Variants in BLOC1S5 observed in about 807,000 individuals in gnomAD.
BLOC1S5 encodes the protein biogenesis of lysosomal organelles complex 1 subunit 5.
Under a neutral mutation model 24.3 loss-of-function variants are expected in BLOC1S5, and 27 were observed. That is an observed-to-expected ratio of 1.11 (90% CI 0.82 to 1.53). BLOC1S5 has a LOEUF of 1.53. Ranked by LOEUF, BLOC1S5 falls within the 40% of genes most tolerant of loss-of-function variation. BLOC1S5 has a pLI of 0.00. For missense variants in BLOC1S5, 239 were observed against 229.4 expected, an observed-to-expected ratio of 1.04 and a Z score of -0.27; for synonymous variants, 84 against 74.5, an observed-to-expected ratio of 1.13 and a Z score of -0.66.
intron 3 of BLOC1S5, chr6:8,027,211 T>A (rs1173239855): frequency 6.0e-6 from 2 of 331,162 alleles, no homozygotes; most frequent in African/African-American, 4.3e-5. Context: ...ACTTACTTTA[T>A]CCAAATAAAG....
chr6:8,038,038 CTG>C lies in BLOC1S5; in HGVS notation c.325+3099_325+3100del, dbSNP rs199779695. ...AAAGACTTAAATCTAAGACCTGAAA[CTG>C]TGAAATTACTAGAAGAAAGCCTAGG... On this transcript the variant is annotated intron_variant, in intron 3 of 4. Coordinates refer to ENST00000397457, the MANE Select transcript of BLOC1S5 (RefSeq NM_201280.3). Among the ~76,000 whole-genome samples the C allele has an allele frequency of 9.4e-3, 1,429 of 152,288 alleles. 21 individuals are homozygous for C. The highest frequency in any genetic ancestry group is 0.033 in the African/African-American group (1,362 of 41,552).
At chr6:8,039,914 T>C (rs931668177) in intron 3 of BLOC1S5, among the ~76,000 whole-genome samples, 2 of 152,208 alleles carry the variant, frequency 1.3e-5, no homozygotes, top group African/African-American at 2.4e-5. Flanking sequence ...TGATTCTGTA[T>C]AAGCTCACCA....
intron 2 of BLOC1S5, among the ~76,000 whole-genome samples, chr6:8,047,156 T>TCACA (rs1763929930): frequency 1.7e-5 from 1 of 59,538 alleles, no homozygotes; most frequent in Admixed American, 2.3e-4. Flanking sequence ...TCTCTCTCTC[T>TCACA]CTCTCACACA....
At chr6:8,047,196 A>ACC (rs1763936059) in intron 2 of BLOC1S5, among the ~76,000 whole-genome samples, 1 of 104,042 alleles carries the variant, frequency 9.6e-6, no homozygotes, top group Non-Finnish European at 2.1e-5. Context: ...ACACACACAC[A>ACC]CACAGTCAAC....
intron 2 of BLOC1S5, chr6:8,041,742 G>C (rs1433789884): frequency 6.7e-6 from 1 of 149,938 alleles, no homozygotes; most frequent in Non-Finnish European, 1.5e-5. Flanking sequence ...CGCCCGCTGG[G>C]TTCCCGTCAT....
At chr6:8,043,751 T>C (rs184919706) in intron 2 of BLOC1S5, among the ~76,000 whole-genome samples, 1 of 152,304 alleles carries the variant, frequency 6.6e-6, no homozygotes, top group African/African-American at 2.4e-5. Context: ...AATAAAATAA[T>C]GAAAGAAATT....
chr6:8,038,146 G>A (rs1763550072), intron 3 of BLOC1S5, among the ~76,000 whole-genome samples: 1 of 152,140 alleles, frequency 6.6e-6, no homozygotes, highest in Non-Finnish European at 1.5e-5. Flanking sequence ...AGCAAAAACA[G>A]ACAAATGGGG....
intron 2 of BLOC1S5, among the ~76,000 whole-genome samples, chr6:8,051,584 C>T (rs940724455): frequency 6.6e-6 from 1 of 152,208 alleles, no homozygotes; most frequent in Non-Finnish European, 1.5e-5. Flanking sequence ...TAGCAGAAAA[C>T]GCCATCTAGG....
chr6:8,024,316 A>G (rs927986043), intron 4 of BLOC1S5, among the ~76,000 whole-genome samples: 1 of 151,970 alleles, frequency 6.6e-6, no homozygotes, highest in African/African-American at 2.4e-5. Context: ...ATCCGAGGTC[A>G]GGAGTTCGAG....
intron 2 of BLOC1S5, among the ~76,000 whole-genome samples, chr6:8,053,950 T>TGATCCAAAATCTGAAAC (rs1487751963): frequency 3.9e-5 from 6 of 152,212 alleles, no homozygotes; most frequent in African/African-American, 1.4e-4. Flanking sequence ...AAATCTGAAA[T>TGATCCAAAATCTGAAAC]GCTCCAAAAT....
chr6:8,029,799 G>T (rs1763236805), intron 3 of BLOC1S5, among the ~76,000 whole-genome samples: 1 of 152,194 alleles, frequency 6.6e-6, no homozygotes, highest in Non-Finnish European at 1.5e-5. Context: ...GGTTTAAGGT[G>T]CAGTCTAGTG....
chr6:8,032,352 T>C (rs1237460746), intron 3 of BLOC1S5, among the ~76,000 whole-genome samples: 2 of 151,834 alleles, frequency 1.3e-5, no homozygotes, highest in Non-Finnish European at 2.9e-5. Context: ...AACAAACATA[T>C]GAAAAATGCT....
At chr6:8,060,498 GA>G (rs1244590694) in intron 2 of BLOC1S5, among the ~76,000 whole-genome samples, 2 of 152,186 alleles carry the variant, frequency 1.3e-5, no homozygotes, top group Non-Finnish European at 2.9e-5. Context: ...TACTGTGTGA[GA>G]AAGGTTATTT....
intron 3 of BLOC1S5, among the ~76,000 whole-genome samples, chr6:8,039,357 T>G (rs1187260877): frequency 6.6e-6 from 1 of 152,098 alleles, no homozygotes; most frequent in Non-Finnish European, 1.5e-5. Context: ...ATGGAAGAAA[T>G]AAGACCTAGT....
chr6:8,048,413 GAGA>G (rs1763976239), intron 2 of BLOC1S5, among the ~76,000 whole-genome samples: 1 of 152,092 alleles, frequency 6.6e-6, no homozygotes, highest in Non-Finnish European at 1.5e-5. Flanking sequence ...CTTTTCAGCG[GAGA>G]AGGCTAGGAA....
At chr6:8,049,876 A>G (rs1247291569) in intron 2 of BLOC1S5, among the ~76,000 whole-genome samples, 2 of 151,814 alleles carry the variant, frequency 1.3e-5, no homozygotes, top group Non-Finnish European at 2.9e-5. Context: ...ATGCCCGACC[A>G]ATTTTTGTAT....
At chr6:8,017,406 A>ACACACACACC (rs1299659988) in intron 4 of BLOC1S5, among the ~76,000 whole-genome samples, 4 of 150,710 alleles carry the variant, frequency 2.7e-5, no homozygotes, top group Non-Finnish European at 4.4e-5. Flanking sequence ...ACACACACAC[A>ACACACACACC]CCTACAAAGC....
intron 4 of BLOC1S5, among the ~76,000 whole-genome samples, chr6:8,016,610 T>C (rs933621085): frequency 6.6e-6 from 1 of 152,014 alleles, no homozygotes; most frequent in African/African-American, 2.4e-5. Context: ...CTCGCACCTG[T>C]AATCCCAGCA....
chr6:8,047,160 T>TCACA lies in BLOC1S5; in HGVS notation c.196-5896_196-5893dup, dbSNP rs57923927. On this transcript the variant is annotated intron_variant, in intron 2 of 4. Transcript: ENST00000397457. Reference sequence around the variant, plus strand: ...AAGACCACCTCTCTCTCTCTCTCTCTCACACACACACACACACACACACAC... The same window carrying TCACA: ...AAGACCACCTCTCTCTCTCTCTCTCTCACACACACACACACACACACACACACAC... 5.6e-3 allele frequency among the ~76,000 whole-genome samples: 714 copies of TCACA among 126,920 alleles called. 4 individuals carry two copies. The highest frequency in any genetic ancestry group is 0.03 in the Middle Eastern group (8 of 264). The allele number at this position is 126,920 out of a possible 152,430, so 83.3% of individuals were successfully genotyped here.
Sources: allele counts gnomAD v4.1 joint callset (sites outside exome capture counted in the v4.1 genomes callset), GRCh38; gene constraint gnomAD v4.1.1; transcripts MANE v1.5; gene names NCBI Gene and HGNC (gene_info 2026-07-23, HGNC 2026-07-21).